Variants in ZC3H11A observed in about 807,000 individuals in gnomAD.
The protein encoded by ZC3H11A is zinc finger CCCH-type containing 11A, also known as zinc finger CCCH domain-containing protein 11A.
ZC3H11A carries 22 observed loss-of-function variants against 90.8 expected under a neutral mutation model. The ratio of observed to expected loss-of-function variants is 0.24; its 90% CI spans 0.17 to 0.35. The LOEUF (loss-of-function observed/expected upper bound fraction) is 0.35, where lower values mean the gene tolerates loss of function less well. ZC3H11A is among the 10% of genes least tolerant of loss of function. The pLI is 1.00. For synonymous variants in ZC3H11A, 294 were observed against 339.8 expected (o/e 0.87, Z 1.48); for missense variants, 701 against 964.9 (o/e 0.73, Z 3.62).
In ZC3H11A at chr1:203,820,018, T is replaced by TGAGATCAGGAGTTC. The variant is rs372233029; in HGVS notation, c.174+1334_174+1347dup. On this transcript the variant is annotated intron_variant, in intron 4 of 17. Coordinates refer to ENST00000367210, the MANE Select transcript of ZC3H11A (RefSeq NM_001376342.1). Reference sequence around the variant, plus strand: ...TTACTAGGCTGAGGCGGGTGAATCATGAGATCAGGAGTTCGAGACCAGCCT... The same window carrying TGAGATCAGGAGTTC: ...TTACTAGGCTGAGGCGGGTGAATCATGAGATCAGGAGTTCGAGATCAGGAGTTCGAGACCAGCCT... 8.0e-3 allele frequency among the ~76,000 whole-genome samples: 1,204 copies of TGAGATCAGGAGTTC among 151,200 alleles called. 23 individuals carry two copies. Among genetic ancestry groups the TGAGATCAGGAGTTC allele is most frequent in the African/African-American group, 0.028 (1,151 of 41,314 alleles).
chr1:203,834,297 A>G (rs1314987431), intron 10 of ZC3H11A, among the ~76,000 whole-genome samples: 1 of 152,146 alleles, frequency 6.6e-6, no homozygotes, highest in Non-Finnish European at 1.5e-5. Context: ...TAGAGACAAG[A>G]GTCTTGTTTT....
At chr1:203,810,940 G>A (rs1366842968) in intron 2 of ZC3H11A, among the ~76,000 whole-genome samples, 1 of 150,904 alleles carries the variant, frequency 6.6e-6, no homozygotes, top group African/African-American at 2.4e-5. Flanking sequence ...ACACCAGCCT[G>A]GCCACTATGG....
At chr1:203,816,715 A>AAT (rs1179785353) in intron 2 of ZC3H11A, among the ~76,000 whole-genome samples, 3 of 152,306 alleles carry the variant, frequency 2.0e-5, no homozygotes, top group Non-Finnish European at 4.4e-5. Flanking sequence ...CATCACAGAG[A>AAT]ATATAAAAGA....
At chr1:203,797,229 AG>A (rs1457150516) in intron 1 of ZC3H11A, 1 of 196,238 alleles carries the variant, frequency 5.1e-6, no homozygotes, top group Admixed American at 5.7e-5. Flanking sequence ...ACTCTGGGAA[AG>A]GGGGACTCAG....
chr1:203,827,924 G>C (rs1194493678), intron 4 of ZC3H11A, among the ~76,000 whole-genome samples: 2 of 152,136 alleles, frequency 1.3e-5, no homozygotes, highest in Non-Finnish European at 1.5e-5. Flanking sequence ...AGGAAAGTGA[G>C]GCTTAGAGGC....
intron 2 of ZC3H11A, among the ~76,000 whole-genome samples, chr1:203,812,217 C>T (rs1674719684): frequency 6.6e-6 from 1 of 152,140 alleles, no homozygotes; most frequent in South Asian, 2.1e-4. Flanking sequence ...ATTATTTCAT[C>T]ACCCAGGTAT....
chr1:203,798,205 T>G, intron 1 of ZC3H11A: 2 of 1,536,144 alleles, frequency 1.3e-6, no homozygotes, highest in Non-Finnish European at 8.7e-7. Flanking sequence ...GATAATAGAA[T>G]GGGCAAGAAG....
chr1:203,824,653 C>G (rs1204868848), intron 4 of ZC3H11A, among the ~76,000 whole-genome samples: 1 of 152,020 alleles, frequency 6.6e-6, no homozygotes, highest in Non-Finnish European at 1.5e-5. Flanking sequence ...AAACAAGTGT[C>G]CTTTTCATGA....
chr1:203,833,827 G>C lies in ZC3H11A; in HGVS notation c.848G>C (p.Arg283Thr). The C allele has an allele frequency of 6.2e-7, 1 of 1,610,474 alleles. No homozygotes were observed. Among genetic ancestry groups the C allele is most frequent in the East Asian group, 2.2e-5 (1 of 44,680 alleles). ...EPLVRLSLTE[R>T]LGKRKFSAGG... is the part of the protein sequence containing the mutation. ...TTGGTTAGATTGAGTCTTACTGAGA[G>C]ACTGGGGAAACGAAAATTTTCAGCA... The change falls in exon 10 of 18, where the codon AGA (arginine) becomes ACA (threonine). Residue 283 changes from arginine to threonine, a missense_variant. Arg to Thr is a moderately conservative substitution (Grantham distance 71). This residue lies in a region of ZC3H11A where 530 missense variants were observed against 696.2 expected (regional missense o/e 0.76). Transcript: ENST00000367210.
chr1:203,851,582 G>A (rs1218983718), intron 17 of ZC3H11A, among the ~76,000 whole-genome samples: 1 of 152,012 alleles, frequency 6.6e-6, no homozygotes, highest in Non-Finnish European at 1.5e-5. Context: ...CACCTTCCTC[G>A]TCTTCCCAAA....
At chr1:203,837,915 C>G in intron 10 of ZC3H11A, 51 bp from the exon 11 acceptor site, 1 of 1,551,400 alleles carries the variant, frequency 6.4e-7, no homozygotes, top group Non-Finnish European at 8.8e-7. Flanking sequence ...TATTTCTTGT[C>G]CTTGCTGAAG....
Position 203,816,987 on chromosome 1 carries a change from A to G in ZC3H11A, c.-84A>G. 1.1e-6 allele frequency: 1 copy of G among 907,342 alleles called. No individual in the cohort carries two copies. The highest frequency in any genetic ancestry group is 1.7e-6 in the Non-Finnish European group (1 of 595,298). The allele number at this position is 907,342 out of a possible 1,614,324, so 56.2% of individuals were successfully genotyped here. ...TCATTTGGAAGATTAAACCCATTTCACGAGGACTTGGAGCCTGGTCCTTGC... is the reference window on the plus strand; with the variant it reads ...TCATTTGGAAGATTAAACCCATTTCGCGAGGACTTGGAGCCTGGTCCTTGC... On this transcript the variant is annotated 5_prime_UTR_variant, in exon 3 of 18. Transcript: ENST00000367210.
intron 2 of ZC3H11A, among the ~76,000 whole-genome samples, chr1:203,815,800 T>C (rs114857250): frequency 0.039 from 6,014 of 152,294 alleles, 165 homozygotes; most frequent in Admixed American, 0.068. Context: ...TAGATCACTA[T>C]TTCTGAAACC....
At chr1:203,797,781 A>G (rs1231539785) in intron 1 of ZC3H11A, 3 of 1,535,898 alleles carry the variant, frequency 2.0e-6, no homozygotes, top group Non-Finnish European at 2.6e-6. Context: ...AAAGTTTAGT[A>G]AGGATTTGGG....
chr1:203,806,925 A>G (rs1384699793), intron 2 of ZC3H11A, among the ~76,000 whole-genome samples: 1 of 146,418 alleles, frequency 6.8e-6, no homozygotes, highest in Non-Finnish European at 1.5e-5. Flanking sequence ...AAGTCTTTCA[A>G]AAATTACTAC....
chr1:203,798,103 G>A, intron 1 of ZC3H11A: 1 of 1,536,150 alleles, frequency 6.5e-7, no homozygotes, highest in Non-Finnish European at 8.7e-7. Flanking sequence ...GGAGTTGCTA[G>A]TGGAGAGGAG....
chr1:203,803,783 C>G (rs183353702), intron 2 of ZC3H11A, among the ~76,000 whole-genome samples: 7 of 152,082 alleles, frequency 4.6e-5, no homozygotes, highest in Admixed American at 3.3e-4. Flanking sequence ...TTTTTAAAAC[C>G]TTTTGTAGAG....
intron 2 of ZC3H11A, among the ~76,000 whole-genome samples, chr1:203,810,796 T>G (rs981115698): frequency 8.5e-5 from 13 of 152,152 alleles, no homozygotes; most frequent in Middle Eastern, 3.4e-3. Context: ...ATTCCATTTC[T>G]CCACACTCTG....
intron 14 of ZC3H11A, 89 bp downstream of exon 14, chr1:203,848,496 T>C: frequency 1.1e-6 from 1 of 897,478 alleles, no homozygotes; most frequent in South Asian, 1.6e-5. Flanking sequence ...TTCTAAGTAC[T>C]TCATTCATAT....
Sources: allele counts gnomAD v4.1 joint callset (sites outside exome capture counted in the v4.1 genomes callset), GRCh38; gene constraint gnomAD v4.1.1; regional missense constraint gnomAD v4.1.1; transcripts MANE v1.5; gene names NCBI Gene and HGNC (gene_info 2026-07-23, HGNC 2026-07-21).